CHCHD3: variants seen among roughly 807,000 people sequenced by gnomAD.
The protein encoded by CHCHD3 is coiled-coil-helix-coiled-coil-helix domain containing 3, also known as MICOS complex subunit MIC19.
CHCHD3 carries 20 observed loss-of-function variants against 38.2 expected under a neutral mutation model. That is an observed-to-expected ratio of 0.52 (90% CI 0.37 to 0.76). The LOEUF (loss-of-function observed/expected upper bound fraction) is 0.76, where lower values mean the gene tolerates loss of function less well. CHCHD3 is among the 30% of genes least tolerant of loss of function. The pLI, the probability that CHCHD3 is intolerant of heterozygous loss-of-function variation, is 0.00. For synonymous variants in CHCHD3, 82 were observed against 100.0 expected, an observed-to-expected ratio of 0.82 and a Z score of 1.07; for missense variants, 245 against 279.2, an observed-to-expected ratio of 0.88 and a Z score of 0.87.
intron 6 of CHCHD3, among the ~76,000 whole-genome samples, chr7:132,834,695 T>TG (rs1563249569): frequency 6.6e-6 from 1 of 152,134 alleles, no homozygotes; most frequent in Non-Finnish European, 1.5e-5. Flanking sequence ...GGACTGAGCC[T>TG]GGGGGTTTCC....
chr7:132,797,878 A>G (rs1806661790), intron 6 of CHCHD3, among the ~76,000 whole-genome samples: 1 of 152,198 alleles, frequency 6.6e-6, no homozygotes, highest in Non-Finnish European at 1.5e-5. Context: ...AAAAAAGCAC[A>G]ATATTACTAC....
intron 6 of CHCHD3, among the ~76,000 whole-genome samples, chr7:132,832,192 T>TA (rs1473931884): frequency 6.6e-6 from 1 of 152,216 alleles, no homozygotes; most frequent in Non-Finnish European, 1.5e-5. Context: ...TCAGATACTC[T>TA]AAAATCACCT....
chr7:132,814,544 CCTTT>C (rs1807151180), intron 6 of CHCHD3, among the ~76,000 whole-genome samples: 1 of 152,178 alleles, frequency 6.6e-6, no homozygotes, highest in Admixed American at 6.5e-5. Context: ...GGAGGATTCT[CCTTT>C]CTATAAATGC....
chr7:132,832,101 G>C (rs1260359256), intron 6 of CHCHD3, among the ~76,000 whole-genome samples: 1 of 151,932 alleles, frequency 6.6e-6, no homozygotes, highest in African/African-American at 2.4e-5. Context: ...AAAGTCAAAG[G>C]GTTTTACATT....
At chr7:133,036,423 A>G (rs1813675644) in intron 2 of CHCHD3, among the ~76,000 whole-genome samples, 1 of 152,238 alleles carries the variant, frequency 6.6e-6, no homozygotes, top group Non-Finnish European at 1.5e-5. Context: ...AGGCAGTGAA[A>G]TAAGAATGTT....
chr7:132,947,690 TATA>T (rs1310253976), intron 4 of CHCHD3, among the ~76,000 whole-genome samples: 1 of 151,984 alleles, frequency 6.6e-6, no homozygotes, highest in Non-Finnish European at 1.5e-5. Context: ...TTGATAATGT[TATA>T]ATAAGTAATA....
intron 4 of CHCHD3, among the ~76,000 whole-genome samples, chr7:132,941,035 C>T (rs1044205812): frequency 3.3e-5 from 5 of 152,174 alleles, no homozygotes; most frequent in South Asian, 2.1e-4. Flanking sequence ...TGATGCTTTC[C>T]GATCTTATAT....
intron 3 of CHCHD3, among the ~76,000 whole-genome samples, chr7:132,989,400 GA>G (rs5887604): frequency 0.22 from 31,114 of 142,254 alleles, 3,431 homozygotes; most frequent in South Asian, 0.27. Flanking sequence ...TGATGCAAGA[GA>G]AAAAAAAAAA....
rs527237074 is a variant in CHCHD3 at position 133,036,122 on chromosome 7, C to T, written c.170-11495G>A. The T allele has an allele frequency of 8.2e-4, 501 of 609,990 alleles. 1 individual carries two copies. The Middle Eastern group carries it at 0.011, about 13-fold the overall frequency. 37.8% of individuals were successfully genotyped at this position (609,990 alleles called of 1,614,324 possible). A position where few individuals can be genotyped will look rare whatever the true frequency, so the allele number is the denominator to read the frequency against. The stretch of plus-strand genomic sequence containing the variant: ...TTTAGGGGAATTTTCTTACCAAACC[C>T]TCCCCAACTCTCACCCCATGACCCC... On this transcript the variant is annotated intron_variant, in intron 2 of 7. Transcript: ENST00000262570.
At chr7:132,975,587 T>A (rs2117333518) in intron 3 of CHCHD3, among the ~76,000 whole-genome samples, 1 of 152,232 alleles carries the variant, frequency 6.6e-6, no homozygotes. Context: ...ACCAAAAAAA[T>A]TCCATCCCTG....
intron 4 of CHCHD3, among the ~76,000 whole-genome samples, chr7:132,917,999 G>A (rs375957037): frequency 2.8e-4 from 42 of 151,754 alleles, no homozygotes; most frequent in Non-Finnish European, 3.8e-4. Flanking sequence ...AGATCAGAAC[G>A]CAGCAAAGAA....
intron 6 of CHCHD3, among the ~76,000 whole-genome samples, chr7:132,828,712 A>C (rs1352663122): frequency 6.6e-6 from 1 of 152,184 alleles, no homozygotes; most frequent in Non-Finnish European, 1.5e-5. Context: ...TACATTCATA[A>C]GTTAATTATC....
At chr7:132,904,229 C>T (rs911768803) in intron 4 of CHCHD3, among the ~76,000 whole-genome samples, 3 of 151,816 alleles carry the variant, frequency 2.0e-5, no homozygotes, top group African/African-American at 7.3e-5. Context: ...CCACTGTACT[C>T]CAAGCCTGGA....
chr7:132,854,373 A>G (rs1808296089), intron 5 of CHCHD3, among the ~76,000 whole-genome samples: 1 of 152,164 alleles, frequency 6.6e-6, no homozygotes, highest in Non-Finnish European at 1.5e-5. Context: ...AAAAGGAGAG[A>G]AGAAATGTTT....
chr7:133,075,564 A>G (rs1447606180), intron 1 of CHCHD3, among the ~76,000 whole-genome samples: 1 of 152,162 alleles, frequency 6.6e-6, no homozygotes, highest in Non-Finnish European at 1.5e-5. Flanking sequence ...TTGCAGTAGT[A>G]AGTTCAGACC....
intron 5 of CHCHD3, among the ~76,000 whole-genome samples, chr7:132,839,308 AT>A (rs1807880424): frequency 6.6e-6 from 1 of 152,198 alleles, no homozygotes; most frequent in South Asian, 2.1e-4. Context: ...GATTTAGATA[AT>A]TTTAATAACA....
chr7:132,802,036 C>T (rs1034400901), intron 6 of CHCHD3, among the ~76,000 whole-genome samples: 3 of 152,168 alleles, frequency 2.0e-5, no homozygotes, highest in Non-Finnish European at 2.9e-5. Context: ...AAATGAGCAA[C>T]AGTACTCTAT....
intron 6 of CHCHD3, among the ~76,000 whole-genome samples, chr7:132,807,267 G>A (rs919855931): frequency 1.3e-5 from 2 of 152,144 alleles, no homozygotes; most frequent in East Asian, 1.9e-4. Context: ...GCTCAACGCT[G>A]GCAAGGGATA....
chr7:133,000,768 C>A (rs927688177), intron 3 of CHCHD3, among the ~76,000 whole-genome samples: 2 of 152,106 alleles, frequency 1.3e-5, no homozygotes, highest in African/African-American at 2.4e-5. Flanking sequence ...GTAATCAATA[C>A]AATAAACTAG....
Sources: allele counts gnomAD v4.1 joint callset (sites outside exome capture counted in the v4.1 genomes callset), GRCh38; gene constraint gnomAD v4.1.1; transcripts MANE v1.5; gene names NCBI Gene and HGNC (gene_info 2026-07-23, HGNC 2026-07-21).